C8orf34: variants seen among roughly 807,000 people sequenced by gnomAD.
The protein encoded by C8orf34 is uncharacterized protein C8orf34.
In C8orf34, 65 loss-of-function variants were observed where a neutral mutation model predicts 68.3. That is an observed-to-expected ratio of 0.95 (90% CI 0.78 to 1.17). The LOEUF (loss-of-function observed/expected upper bound fraction) is 1.17, where lower values mean the gene tolerates loss of function less well. C8orf34 is among the 50% of genes most tolerant of loss of function. The probability of loss-of-function intolerance (pLI) is 0.00; values close to 1 mark genes in which losing one functional copy is unlikely to be tolerated. For synonymous variants in C8orf34, 244 were observed against 241.2 expected, an observed-to-expected ratio of 1.01 and a Z score of -0.11; for missense variants, 664 against 655.4, an observed-to-expected ratio of 1.01 and a Z score of -0.14.
chr8:68,501,373 C>T (rs776110478), intron 5 of C8orf34, among the ~76,000 whole-genome samples: 2 of 152,258 alleles, frequency 1.3e-5, no homozygotes, highest in East Asian at 1.9e-4. Context: ...CTGGGCGCCC[C>T]GGCTTCACTT....
At chr8:68,408,800 G>GT (rs1479254374) in intron 1 of C8orf34, among the ~76,000 whole-genome samples, 1 of 151,506 alleles carries the variant, frequency 6.6e-6, no homozygotes, top group Non-Finnish European at 1.5e-5. Context: ...GTTTTGTTTT[G>GT]TTTTTTGAGA....
intron 11 of C8orf34, among the ~76,000 whole-genome samples, chr8:68,781,218 A>G (rs773310840): frequency 2.5e-4 from 38 of 152,300 alleles, no homozygotes; most frequent in Middle Eastern, 3.4e-3. Flanking sequence ...ATGATAAATC[A>G]CTGATTGGTT....
At chr8:68,467,119 G>A (rs1459446492) in intron 3 of C8orf34, among the ~76,000 whole-genome samples, 1 of 151,712 alleles carries the variant, frequency 6.6e-6, no homozygotes, top group Admixed American at 6.6e-5. Flanking sequence ...TTTTAAATTT[G>A]AGGCATTATC....
intron 1 of C8orf34, among the ~76,000 whole-genome samples, chr8:68,428,347 A>T (rs1018562865): frequency 6.6e-6 from 1 of 152,228 alleles, no homozygotes; most frequent in African/African-American, 2.4e-5. Context: ...GATAAAAATT[A>T]AAAATATTTT....
chr8:68,473,426 G>A (rs951640434), intron 4 of C8orf34, among the ~76,000 whole-genome samples: 3 of 152,100 alleles, frequency 2.0e-5, no homozygotes, highest in Non-Finnish European at 4.4e-5. Context: ...CATGTTGTCT[G>A]CTCCCTACCG....
intron 7 of C8orf34, among the ~76,000 whole-genome samples, chr8:68,608,693 T>C (rs1817926738): frequency 6.6e-6 from 1 of 151,932 alleles, no homozygotes; most frequent in African/African-American, 2.4e-5. Context: ...GGGTATGACA[T>C]GGTCAGATGC....
intron 8 of C8orf34, among the ~76,000 whole-genome samples, chr8:68,657,480 G>T (rs189915631): frequency 9.2e-5 from 14 of 152,228 alleles, no homozygotes; most frequent in Admixed American, 2.6e-4. Flanking sequence ...CTGCCACCTT[G>T]ATTTAGACTT....
At chr8:68,532,573 G>A (rs1815294097) in intron 6 of C8orf34, among the ~76,000 whole-genome samples, 1 of 152,132 alleles carries the variant, frequency 6.6e-6, no homozygotes, top group Non-Finnish European at 1.5e-5. Context: ...TTAAAGTTGA[G>A]TATTTTAAAA....
In C8orf34 at chr8:68,689,136, C is replaced by G. The variant is rs534127175; in HGVS notation, c.1242-19858C>G. ...GAGGTCATTGTTCTAAGTGAAATAA[C>G]TCAGGAATGGAAAACCAAATACTCA... On this transcript the variant is annotated intron_variant, in intron 8 of 13. Coordinates refer to ENST00000518698, the MANE Select transcript of C8orf34 (RefSeq NM_052958.4). Among the ~76,000 whole-genome samples, 5 of 152,102 alleles carry G rather than the reference C, an allele frequency of 3.3e-5. No homozygotes were observed. The East Asian group carries it at 9.7e-4, about 30-fold the overall frequency.
At chr8:68,372,665 A>G (rs901207735) in intron 1 of C8orf34, among the ~76,000 whole-genome samples, 1 of 152,148 alleles carries the variant, frequency 6.6e-6, no homozygotes, top group African/African-American at 2.4e-5. Flanking sequence ...GGTTTGTTAC[A>G]TAGGTATACA....
chr8:68,570,309 C>T (rs1200731303), intron 7 of C8orf34, among the ~76,000 whole-genome samples: 1 of 152,196 alleles, frequency 6.6e-6, no homozygotes, highest in African/African-American at 2.4e-5. Context: ...GAGAAAGCTT[C>T]CTCACTTGTT....
At chr8:68,747,073 G>T (rs1308332568) in intron 10 of C8orf34, among the ~76,000 whole-genome samples, 1 of 151,488 alleles carries the variant, frequency 6.6e-6, no homozygotes, top group Non-Finnish European at 1.5e-5. Flanking sequence ...TGCAAGGCTG[G>T]TTCAATATAC....
intron 7 of C8orf34, among the ~76,000 whole-genome samples, chr8:68,581,444 G>A (rs1403543166): frequency 6.6e-6 from 1 of 152,044 alleles, no homozygotes; most frequent in Admixed American, 6.6e-5. Flanking sequence ...CAGGGGAGAA[G>A]AGTGAGTGAA....
chr8:68,816,105 A>AGTGT (rs71554629), intron 13 of C8orf34, among the ~76,000 whole-genome samples, 160 bp downstream of exon 13: 16,933 of 144,484 alleles, frequency 0.12, 1,024 homozygotes, highest in East Asian at 0.25. Context: ...ATTTCCTAAG[A>AGTGT]GTGTGTGTGT....
In C8orf34 at chr8:68,472,341, T is replaced by G. The variant is rs1287048059; in HGVS notation, c.736+3521T>G. 3.3e-5 allele frequency among the ~76,000 whole-genome samples: 5 copies of G among 152,168 alleles called. No homozygotes were observed. In the East Asian group the frequency reaches 9.6e-4, roughly 29 times the overall value. ...GTTTGCCCCCATCTCAATAGTCATT[T>G]ACTGCTTCTTCTTTGAGGCCATGAT... On this transcript the variant is annotated intron_variant, in intron 4 of 13. Coordinates refer to ENST00000518698, the MANE Select transcript of C8orf34 (RefSeq NM_052958.4).
chr8:68,435,943 C>T (rs1810647326), intron 1 of C8orf34, among the ~76,000 whole-genome samples: 1 of 152,150 alleles, frequency 6.6e-6, no homozygotes, highest in Non-Finnish European at 1.5e-5. Context: ...CATGGTGGCT[C>T]ACGCCTATAA....
intron 7 of C8orf34, chr8:68,625,698 A>G: frequency 1.5e-6 from 1 of 653,342 alleles, no homozygotes; most frequent in Non-Finnish European, 2.8e-6. Flanking sequence ...ACCACAAGGG[A>G]GTGTGAGTTG....
intron 9 of C8orf34, among the ~76,000 whole-genome samples, chr8:68,716,465 A>T (rs1437778651): frequency 6.6e-6 from 1 of 152,204 alleles, no homozygotes; most frequent in Non-Finnish European, 1.5e-5. Context: ...TCAACAGAAA[A>T]ATAAGTAACA....
At chr8:68,469,478 T>C (rs570596927) in intron 4 of C8orf34, among the ~76,000 whole-genome samples, 2 of 152,210 alleles carry the variant, frequency 1.3e-5, no homozygotes, top group South Asian at 4.1e-4. Flanking sequence ...ACATTTCAAG[T>C]AAAACCTTTT....
Sources: gnomAD v4.1 joint callset for allele counts (sites outside exome capture counted in the v4.1 genomes callset) on GRCh38, gnomAD v4.1.1 for gene constraint, MANE v1.5 for transcripts, NCBI Gene and HGNC (gene_info 2026-07-23, HGNC 2026-07-21) for gene names.